Variants in PRUNE2 observed in about 807,000 individuals in gnomAD.
PRUNE2 encodes protein prune homolog 2.
PRUNE2 carries 164 observed loss-of-function variants against 252.0 expected under a neutral mutation model. The ratio of observed to expected loss-of-function variants is 0.65; its 90% CI spans 0.57 to 0.74. The LOEUF is 0.74. Among genes scored for constraint, PRUNE2 ranks in the 30% least tolerant of loss-of-function variants. PRUNE2 has a pLI of 0.00. For synonymous variants in PRUNE2, 1,292 were observed against 1,350.2 expected (o/e 0.96, Z 0.94); for missense variants, 3,495 against 3,711.0 (o/e 0.94, Z 1.51).
rs563100965 is a variant in PRUNE2, at chr9:76,720,404, A to T, written c.757-6683T>A. Among the ~76,000 whole-genome samples, 3 of 152,338 alleles carry T rather than the reference A, an allele frequency of 2.0e-5. No homozygotes were observed. The South Asian group carries it at 6.2e-4, about 32-fold the overall frequency. On this transcript the variant is annotated intron_variant, in intron 6 of 18. Coordinates refer to ENST00000376718, the MANE Select transcript of PRUNE2 (RefSeq NM_015225.3). ...GTAAAGACCTACGAGTCAGCCAAAC[A>T]TGAGGTTAACCCTCGCTGTGACACT...
At chr9:76,743,005 T>C (rs2049782460) in intron 6 of PRUNE2, among the ~76,000 whole-genome samples, 1 of 152,182 alleles carries the variant, frequency 6.6e-6, no homozygotes, top group Non-Finnish European at 1.5e-5. Flanking sequence ...ACGAGGTCGG[T>C]TACCTCCATG....
chr9:76,868,221 G>A (rs7036290), intron 1 of PRUNE2, among the ~76,000 whole-genome samples: 9,386 of 152,194 alleles, frequency 0.062, 383 homozygotes, highest in East Asian at 0.18. Context: ...GACATTTATA[G>A]TAACTTATAT....
intron 1 of PRUNE2, among the ~76,000 whole-genome samples, chr9:76,887,255 T>C (rs2062157845): frequency 6.6e-6 from 1 of 152,014 alleles, no homozygotes; most frequent in Admixed American, 6.6e-5. Flanking sequence ...TCAACCCTCA[T>C]CTGAAGGCAT....
At chr9:76,837,328 A>T (rs561167006) in intron 4 of PRUNE2, among the ~76,000 whole-genome samples, 1 of 151,940 alleles carries the variant, frequency 6.6e-6, no homozygotes, top group Non-Finnish European at 1.5e-5. Flanking sequence ...TGCAGTCCCA[A>T]CTACTCGGGA....
rs1184201648 is a variant in PRUNE2, at chr9:76,611,390, T to G, written c.*3180A>C. On this transcript the variant is annotated 3_prime_UTR_variant, in exon 19 of 19. Coordinates refer to ENST00000376718, the MANE Select transcript of PRUNE2 (RefSeq NM_015225.3). ...AAACCATCACATGCAGAATCAATTT[T>G]TATTTCTGAATTATACAGTGAGGCT... 1 of 152,226 alleles carries G rather than the reference T, an allele frequency of 6.6e-6. No homozygotes were observed. Among genetic ancestry groups the G allele is most frequent in the Admixed American group, 6.5e-5 (1 of 15,280 alleles). 9.4% of individuals were successfully genotyped at this position (152,226 alleles called of 1,614,324 possible). A position where few individuals can be genotyped will look rare whatever the true frequency, so the allele number is the denominator to read the frequency against.
chr9:76,734,785 C>T (rs2048931294), intron 6 of PRUNE2, among the ~76,000 whole-genome samples: 2 of 152,180 alleles, frequency 1.3e-5, no homozygotes, highest in Non-Finnish European at 2.9e-5. Context: ...GTTCCATCCA[C>T]TTGGCCACGG....
chr9:76,666,523 TCCTCTCTCTCTC>T (rs936019374), intron 9 of PRUNE2, among the ~76,000 whole-genome samples: 1 of 152,100 alleles, frequency 6.6e-6, no homozygotes, highest in Non-Finnish European at 1.5e-5. Flanking sequence ...GCGTAAGCTG[TCCTCTCTCTCTC>T]CCTCTCTCTC....
At chr9:76,767,367 C>T (rs1027711672) in intron 6 of PRUNE2, among the ~76,000 whole-genome samples, 7 of 151,900 alleles carry the variant, frequency 4.6e-5, no homozygotes, top group Non-Finnish European at 1.0e-4. Context: ...AGGAGAATAG[C>T]TTGAACTCGG....
chr9:76,691,874 G>T (rs10869796), intron 9 of PRUNE2: 100,173 of 573,622 alleles, frequency 0.17, 11,863 homozygotes, highest in East Asian at 0.53. Context: ...GCTTTTCTAG[G>T]ATGAGTGGAT....
chr9:76,711,998 C>T (rs535380945), intron 7 of PRUNE2, among the ~76,000 whole-genome samples: 5 of 152,196 alleles, frequency 3.3e-5, no homozygotes, highest in African/African-American at 1.2e-4. Flanking sequence ...AACTGGGTTA[C>T]GGCTTTCTGA....
chr9:76,810,218 C>T (rs2057265342), intron 6 of PRUNE2, among the ~76,000 whole-genome samples: 1 of 152,124 alleles, frequency 6.6e-6, no homozygotes, highest in Admixed American at 6.5e-5. Context: ...TCATGAACCA[C>T]CTTTTCTAGA....
chr9:76,870,450 C>G (rs1046126450), intron 1 of PRUNE2, among the ~76,000 whole-genome samples: 1 of 151,892 alleles, frequency 6.6e-6, no homozygotes, highest in African/African-American at 2.4e-5. Flanking sequence ...CTTTGGGAGG[C>G]CGAGGTGGGT....
chr9:76,705,029 C>A lies in PRUNE2; in HGVS notation c.7245G>T (p.Gly2415=), dbSNP rs1298703616. 1 of 1,613,822 alleles carries A rather than the reference C, an allele frequency of 6.2e-7. No individual in the cohort carries two copies. The highest frequency in any genetic ancestry group is 8.5e-7 in the Non-Finnish European group (1 of 1,179,874). Residue 2415 remains glycine, a synonymous_variant, in exon 8 of 19, where the codon GGG becomes GGT. Coordinates refer to ENST00000376718, the MANE Select transcript of PRUNE2 (RefSeq NM_015225.3). ...AQSAETIEEA[G]SPEDESLGCR... Reference sequence around the variant, plus strand: ...ATCCCAGAGATTCATCCTCTGGAGACCCAGCTTCCTCTATTGTTTCAGCAC... The same window carrying A: ...ATCCCAGAGATTCATCCTCTGGAGAACCAGCTTCCTCTATTGTTTCAGCAC...
chr9:76,676,857 G>T (rs554319757), intron 9 of PRUNE2, among the ~76,000 whole-genome samples: 9 of 152,282 alleles, frequency 5.9e-5, no homozygotes, highest in African/African-American at 2.2e-4. Flanking sequence ...CGAAGCACAT[G>T]AGCTGAAATG....
chr9:76,771,703 A>C (rs1225115525), intron 6 of PRUNE2, among the ~76,000 whole-genome samples: 1 of 152,146 alleles, frequency 6.6e-6, no homozygotes, highest in East Asian at 1.9e-4. Flanking sequence ...AACAGGAAAA[A>C]CCAAACCTAA....
At chr9:76,742,265 C>G (rs1202341171) in intron 6 of PRUNE2, among the ~76,000 whole-genome samples, 1 of 152,034 alleles carries the variant, frequency 6.6e-6, no homozygotes, top group Non-Finnish European at 1.5e-5. Flanking sequence ...ATCTGCAGTA[C>G]TTATGATAAA....
rs778494074 is a variant in PRUNE2 at position 76,704,787 on chromosome 9, G to A, written c.7487C>T (p.Ala2496Val). 1 of 1,568,066 alleles carries A rather than the reference G, an allele frequency of 6.4e-7. No individual in the cohort carries two copies. The highest frequency in any genetic ancestry group is 1.2e-5 in the South Asian group (1 of 85,386). ...EVETDNSDLP[A>V]GGDIGPPNGA... ...ATTTGGTGGTCCTATGTCTCCACCT[G>A]CTGGTAAATCAGAATTATCTGTTTC... Residue 2496 changes from alanine (A) to valine (V), a missense_variant, in exon 8 of 19, where the codon GCA becomes GTA. Ala to Val is a moderately conservative substitution (Grantham distance 64, BLOSUM62 0). Coordinates refer to ENST00000376718, the MANE Select transcript of PRUNE2 (RefSeq NM_015225.3).
Position 76,905,918 on chromosome 9 carries a change from C to T in PRUNE2, c.36+10G>A. On this transcript the variant is annotated intron_variant, in intron 1 of 18. Coordinates refer to ENST00000376718, the MANE Select transcript of PRUNE2 (RefSeq NM_015225.3). ...GCGCGCACACACACAGCTTTGCTCACTCAACTTACCAGTTTAGATTTGGCG... is the reference window on the plus strand; with the variant it reads ...GCGCGCACACACACAGCTTTGCTCATTCAACTTACCAGTTTAGATTTGGCG... 1 of 1,614,220 alleles carries T rather than the reference C, an allele frequency of 6.2e-7. No homozygotes were observed. The highest frequency in any genetic ancestry group is 8.5e-7 in the Non-Finnish European group (1 of 1,180,042).
At chr9:76,774,454 T>TTTATTTATTTATTTATTTATTTATTTA (rs1564272510) in intron 6 of PRUNE2, among the ~76,000 whole-genome samples, 2 of 54,518 alleles carry the variant, frequency 3.7e-5, no homozygotes, top group African/African-American at 1.8e-4. Flanking sequence ...TCAACCCTTT[T>TTTATTTATTTATTTATTTATTTATTTA]TTTTTTTTTT....
Sources: gnomAD v4.1 joint callset for allele counts (sites outside exome capture counted in the v4.1 genomes callset) on GRCh38, gnomAD v4.1.1 for gene constraint, MANE v1.5 for transcripts, NCBI Gene and HGNC (gene_info 2026-07-23, HGNC 2026-07-21) for gene names.